The following ADGRA2 variants were observed in gnomAD, a reference collection of about 807,000 sequenced individuals.
ADGRA2 encodes the protein adhesion G protein-coupled receptor A2.
In ADGRA2, 61 loss-of-function variants were observed where a neutral mutation model predicts 98.7. The observed-to-expected ratio is 0.62, with a 90% CI of 0.50 to 0.76. ADGRA2 has a LOEUF of 0.76. Ranked by LOEUF, ADGRA2 falls within the 30% of genes least tolerant of loss-of-function variation. The pLI, the probability that ADGRA2 is intolerant of heterozygous loss-of-function variation, is 0.00. For missense variants in ADGRA2, 1,712 were observed against 1,860.0 expected (o/e 0.92, Z 1.46); for synonymous variants, 858 against 831.5 (o/e 1.03, Z -0.55).
At chr8:37,838,234 C>T (rs1472335985) in intron 14 of ADGRA2, among the ~76,000 whole-genome samples, 1 of 149,958 alleles carries the variant, frequency 6.7e-6, no homozygotes, top group Non-Finnish European at 1.5e-5. Flanking sequence ...TCACATCCTG[C>T]ACTTTCTGAG....
intron 1 of ADGRA2, among the ~76,000 whole-genome samples, chr8:37,800,997 C>T (rs1394522361): frequency 1.3e-5 from 2 of 152,030 alleles, no homozygotes; most frequent in African/African-American, 4.8e-5. Flanking sequence ...AGGATTGATC[C>T]TTGGGGAGTC....
At chr8:37,839,729 G>T (rs1377922635) in intron 16 of ADGRA2, 107 bp downstream of exon 16, 2 of 1,387,700 alleles carry the variant, frequency 1.4e-6, no homozygotes, top group African/African-American at 2.8e-5. Flanking sequence ...CTCATAGGCC[G>T]TGGCTCCATG....
intron 3 of ADGRA2, 65 bp from the exon 4 acceptor site, chr8:37,829,196 T>C (rs1805380363): frequency 1.6e-6 from 2 of 1,224,344 alleles, no homozygotes; most frequent in Admixed American, 1.7e-5. Context: ...ACCCATGTGT[T>C]CCTCACAAGT....
In ADGRA2 at chr8:37,821,703, G is replaced by A. The variant is rs539759606; in HGVS notation, c.338+6736G>A. On this transcript the variant is annotated intron_variant, in intron 2 of 18. Coordinates refer to ENST00000412232, the MANE Select transcript of ADGRA2 (RefSeq NM_032777.10). Reference sequence around the variant, plus strand: ...CACTGGCCCCCAGAGGCTCGTGCACGGCTAAAGGAAAGAGTCTGGGAAGGG... The same window carrying A: ...CACTGGCCCCCAGAGGCTCGTGCACAGCTAAAGGAAAGAGTCTGGGAAGGG... Among the ~76,000 whole-genome samples the A allele has an allele frequency of 9.6e-4, 146 of 152,314 alleles. 2 individuals carry two copies. The highest frequency in any genetic ancestry group is 2.4e-3 in the Admixed American group (36 of 15,298).
intron 14 of ADGRA2, 132 bp downstream of exon 14, chr8:37,838,071 T>G: frequency 1.3e-6 from 1 of 771,694 alleles, no homozygotes; most frequent in Non-Finnish European, 2.0e-6. Context: ...TTGGGCCCCA[T>G]GAGTGGTGGG....
At chr8:37,832,975 C>G (rs1805497334) in intron 8 of ADGRA2, 35 bp from the exon 9 acceptor site, 1 of 1,546,044 alleles carries the variant, frequency 6.5e-7, no homozygotes, top group Admixed American at 1.7e-5. Context: ...TCTGAGAAGC[C>G]CGGTTCATCG....
rs768050144 is a variant in ADGRA2 at position 37,833,103 on chromosome 8, C to T, written c.1191C>T (p.Thr397=). 6.2e-7 allele frequency: 1 copy of T among 1,611,464 alleles called. No individual in the cohort carries two copies. The highest frequency in any genetic ancestry group is 8.5e-7 in the Non-Finnish European group (1 of 1,179,572). Residue 397 remains threonine (T), a synonymous_variant, in exon 9 of 19, where the codon ACC becomes ACT. Coordinates refer to ENST00000412232, the MANE Select transcript of ADGRA2 (RefSeq NM_032777.10). ...CCCTGGGCGGGGGTGCCCCGGGCAC[C>T]CGAGCCTCCCGCCGGTGTGACCGTG... ...SVPLGGGAPG[T]RASRRCDRAG...
chr8:37,833,021 C>T lies in ADGRA2; in HGVS notation c.1109C>T (p.Thr370Ile). ...GCCTCTCCCCCCAGGTGGCCCCGAA[C>T]TCTGGCTGGCATCACAGCCTACCAG... The part of the protein sequence containing the change: ...NNRGDFRWPR[T>I]LAGITAYQSC... The change falls in exon 9 of 19, where the codon ACT becomes ATT. Residue 370 changes from threonine to isoleucine, a missense_variant. Transcript: ENST00000412232. 1 of 1,612,658 alleles carries T rather than the reference C, an allele frequency of 6.2e-7. No individual in the cohort carries two copies. The highest frequency in any genetic ancestry group is 1.3e-5 in the African/African-American group (1 of 75,026).
At chr8:37,836,351 G>A (rs1805615430) in intron 13 of ADGRA2, among the ~76,000 whole-genome samples, 1 of 152,146 alleles carries the variant, frequency 6.6e-6, no homozygotes, top group Non-Finnish European at 1.5e-5. Flanking sequence ...AGGTGGGACT[G>A]ACACAGATGG....
rs372115217 is a variant in ADGRA2 at position 37,840,271 on chromosome 8, A to G, written c.2657+5A>G. The G allele has an allele frequency of 2.5e-6, 4 of 1,611,200 alleles. No individual in the cohort carries two copies. Among genetic ancestry groups the G allele is most frequent in the Non-Finnish European group, 3.4e-6 (4 of 1,179,934 alleles). On this transcript the variant is annotated splice_donor_5th_base_variant and intron_variant, in intron 17 of 18. Transcript: ENST00000412232. Reference sequence around the variant, plus strand: ...TACTCCCAGTCCTATGCTCCGGTACATACTTTCAATTCCAGCTTTGCAATT... The same window carrying G: ...TACTCCCAGTCCTATGCTCCGGTACGTACTTTCAATTCCAGCTTTGCAATT...
At chr8:37,829,714 C>A (rs973686844) in intron 5 of ADGRA2, 137 bp from the exon 6 acceptor site, 1 of 1,005,124 alleles carries the variant, frequency 9.9e-7, no homozygotes, top group Non-Finnish European at 1.5e-6. Flanking sequence ...CGCGATGGCC[C>A]GGGGCAGAGA....
chr8:37,799,706 G>C (rs929228539), intron 1 of ADGRA2, among the ~76,000 whole-genome samples: 4 of 152,180 alleles, frequency 2.6e-5, no homozygotes, highest in African/African-American at 9.6e-5. Context: ...AATCCTCCCA[G>C]GCCACTGAGC....
chr8:37,812,677 T>C (rs1316074264), intron 1 of ADGRA2, among the ~76,000 whole-genome samples: 4 of 151,756 alleles, frequency 2.6e-5, no homozygotes, highest in Non-Finnish European at 1.5e-5. Flanking sequence ...AGAATTTTTT[T>C]TTTTTTTGAG....
chr8:37,819,374 T>C (rs994948737), intron 2 of ADGRA2, among the ~76,000 whole-genome samples: 2 of 151,818 alleles, frequency 1.3e-5, no homozygotes, highest in African/African-American at 4.8e-5. Context: ...AAATACTTAC[T>C]ATTATTATTA....
At chr8:37,838,239 T>C (rs1045733517) in intron 14 of ADGRA2, among the ~76,000 whole-genome samples, 3 of 148,830 alleles carry the variant, frequency 2.0e-5, no homozygotes, top group African/African-American at 7.5e-5. Context: ...TCCTGCACTT[T>C]CTGAGACCAG....
At chr8:37,833,598 G>C in intron 9 of ADGRA2, 90 bp from the exon 10 acceptor site, 1 of 1,357,988 alleles carries the variant, frequency 7.4e-7, no homozygotes, top group Non-Finnish European at 1.0e-6. Flanking sequence ...CCCAGGCACT[G>C]AGCACTGGCA....
chr8:37,835,325 C>G lies in ADGRA2; in HGVS notation c.1760C>G (p.Pro587Arg). Residue 587 changes from proline to arginine, a missense_variant, in exon 12 of 19, where the codon CCA (proline) becomes CGA (arginine). Coordinates refer to ENST00000412232, the MANE Select transcript of ADGRA2 (RefSeq NM_032777.10). ...AACCCCCCACCTGAGCCCGAGCCCCCAGCTGACCAGCAGCTCCGCTTCCGC... is the reference window on the plus strand; with the variant it reads ...AACCCCCCACCTGAGCCCGAGCCCCGAGCTGACCAGCAGCTCCGCTTCCGC... Reference protein sequence around the residue: ...GQNPPPEPEPPADQQLRFRCT... With the variant: ...GQNPPPEPEPRADQQLRFRCT... 6.2e-7 allele frequency: 1 copy of G among 1,613,622 alleles called. No homozygotes were observed. The highest frequency in any genetic ancestry group is 8.5e-7 in the Non-Finnish European group (1 of 1,179,974).
chr8:37,841,657 TC>T lies in ADGRA2; in HGVS notation c.3323del (p.Pro1108ArgfsTer195). The T allele has an allele frequency of 6.5e-7, 1 of 1,527,670 alleles. No homozygotes were observed. Among genetic ancestry groups the T allele is most frequent in the Non-Finnish European group, 8.8e-7 (1 of 1,137,280 alleles). The allele number at this position is 1,527,670 out of a possible 1,614,324, so 94.6% of individuals were successfully genotyped here. A position where few individuals can be genotyped will look rare whatever the true frequency, so the allele number is the denominator to read the frequency against. On this transcript the variant is annotated frameshift_variant, in exon 19 of 19. Transcript: ENST00000412232. LOFTEE classifies it low-confidence loss of function (END_TRUNC). The surrounding 1 kb of genome is among the most constrained non-coding windows in gnomAD (Gnocchi z 5.0). Reference protein sequence around the residue: ...RALPAAAEDGSPVFGEGPPSL... With the variant: ...RALPAAAEDGXPVFGEGPPSL... ...CCTGCCCGCCGCCGCAGAGGACGGT[TC>T]CCCGGTGTTCGGGGAGGGCCCCCCC...
chr8:37,819,055 G>A (rs1805058296), intron 2 of ADGRA2, among the ~76,000 whole-genome samples: 1 of 152,224 alleles, frequency 6.6e-6, no homozygotes, highest in Admixed American at 6.5e-5. Flanking sequence ...GGTAGGATGT[G>A]ATGCCGGGGT....
Sources: allele counts gnomAD v4.1 joint callset (sites outside exome capture counted in the v4.1 genomes callset), GRCh38; gene constraint gnomAD v4.1.1; non-coding constraint Gnocchi (gnomAD v3.1); transcripts MANE v1.5; gene names NCBI Gene and HGNC (gene_info 2026-07-23, HGNC 2026-07-21).